ACOT7: variants seen among roughly 807,000 people sequenced by gnomAD.
ACOT7 encodes cytosolic acyl coenzyme A thioester hydrolase.
A neutral mutation model predicts 40.2 loss-of-function variants in ACOT7; 12 were observed. The observed-to-expected ratio is 0.30, with a 90% CI of 0.19 to 0.48. ACOT7 has a LOEUF of 0.48. Ranked by LOEUF, ACOT7 falls within the 20% of genes least tolerant of loss-of-function variation. ACOT7 has a pLI of 0.99. For missense variants in ACOT7, 395 were observed against 530.8 expected (o/e 0.74, Z 2.51); for synonymous variants, 228 against 219.5 (o/e 1.04, Z -0.34).
chr1:6,326,130 G>C (rs187778314), intron 5 of ACOT7, among the ~76,000 whole-genome samples: 5 of 152,328 alleles, frequency 3.3e-5, no homozygotes, highest in Admixed American at 2.6e-4. Context: ...CACAGAGCAC[G>C]AATGTGCCAC....
chr1:6,291,807 C>G (rs1482265048), intron 7 of ACOT7, among the ~76,000 whole-genome samples: 1 of 152,184 alleles, frequency 6.6e-6, no homozygotes, highest in African/African-American at 2.4e-5. Context: ...GAGGCCAGCC[C>G]CCCGCGGTTT....
intron 6 of ACOT7, among the ~76,000 whole-genome samples, chr1:6,302,566 C>A (rs7540503): frequency 6.6e-6 from 1 of 152,066 alleles, no homozygotes; most frequent in African/African-American, 2.4e-5. Flanking sequence ...TTTTTAGTGT[C>A]GATCCAGTGG....
chr1:6,360,728 A>G, intron 1 of ACOT7: 1 of 1,606,890 alleles, frequency 6.2e-7, no homozygotes, highest in East Asian at 2.2e-5. Context: ...CCTGGGCCCC[A>G]ATACTGTGCC....
rs1343245877 is a variant in ACOT7 at position 6,306,024 on chromosome 1, C to CA, written c.713-11045dup. ...CAACACAGCGAAACCCCGTCTCCAC[C>CA]AAAAAAATACGAAAACCAGTCAGGC... On this transcript the variant is annotated intron_variant, in intron 6 of 8. Transcript: ENST00000361521. The surrounding 1 kb of genome is among the most constrained non-coding windows in gnomAD (Gnocchi z 4.3). Among the ~76,000 whole-genome samples the CA allele has an allele frequency of 1.2e-4, 18 of 151,924 alleles. No individual in the cohort carries two copies. Among genetic ancestry groups the CA allele is most frequent in the East Asian group, 7.7e-4 (4 of 5,174 alleles).
intron 4 of ACOT7, among the ~76,000 whole-genome samples, chr1:6,331,097 C>T (rs1291876130): frequency 3.9e-5 from 6 of 152,156 alleles, no homozygotes; most frequent in Admixed American, 1.3e-4. Context: ...GTTAGCACTG[C>T]TGAAAATGAC....
At chr1:6,381,957 AC>A (rs574825360) in intron 1 of ACOT7, among the ~76,000 whole-genome samples, 1,586 of 148,076 alleles carry the variant, frequency 0.011, 36 homozygotes, top group African/African-American at 0.036. Flanking sequence ...ACACGGTGAA[AC>A]CCCATCTCTA....
At chr1:6,356,972 C>T (rs1270622670) in intron 1 of ACOT7, among the ~76,000 whole-genome samples, 1 of 150,702 alleles carries the variant, frequency 6.6e-6, no homozygotes, top group Non-Finnish European at 1.5e-5. Flanking sequence ...GACGCAGTGG[C>T]TCACGCCTGT....
chr1:6,302,882 T>C (rs1184736913), intron 6 of ACOT7, among the ~76,000 whole-genome samples: 1 of 152,020 alleles, frequency 6.6e-6, no homozygotes, highest in East Asian at 1.9e-4. Flanking sequence ...AATGCCTGTG[T>C]CTATGACAGC....
rs375257994 is a variant in ACOT7 at position 6,381,514 on chromosome 1, C to A, written c.143+11743G>T. Among the ~76,000 whole-genome samples, 27 of 149,190 alleles carry A rather than the reference C, an allele frequency of 1.8e-4. No homozygotes were observed. In the East Asian group the frequency reaches 4.3e-3, roughly 24 times the overall value. ...TCACACCCATTAGGATGGCAACTATCAAAAAAAAACAGAAAATAACAAGTA... is the reference window on the plus strand; with the variant it reads ...TCACACCCATTAGGATGGCAACTATAAAAAAAAAACAGAAAATAACAAGTA... On this transcript the variant is annotated intron_variant, in intron 1 of 8. Coordinates refer to ENST00000361521, the MANE Select transcript of ACOT7 (RefSeq NM_007274.4).
At chr1:6,349,703 C>T (rs1295638499) in intron 2 of ACOT7, 46 bp downstream of exon 2, 5 of 1,567,704 alleles carry the variant, frequency 3.2e-6, no homozygotes, top group Admixed American at 3.6e-5. Flanking sequence ...TGAACTCACA[C>T]TGGTGCGGCC....
chr1:6,325,026 C>T (rs1346262532), intron 5 of ACOT7, among the ~76,000 whole-genome samples: 1 of 152,238 alleles, frequency 6.6e-6, no homozygotes, highest in Non-Finnish European at 1.5e-5. Context: ...GGCCTGGGCA[C>T]TGCCTGCCCC....
rs960152999 is a variant in ACOT7 at position 6,274,060 on chromosome 1, C to T, written c.1014+7042G>A. Among the ~76,000 whole-genome samples the T allele has an allele frequency of 1.3e-5, 2 of 152,186 alleles. No homozygotes were observed. The highest frequency in any genetic ancestry group is 2.1e-4 in the South Asian group (1 of 4,828). ...GCTCCTGAGGCTTCTTCGAGAGGAA[C>T]GGGGCCCATGCGAGGACCCCAGGCC... On this transcript the variant is annotated intron_variant, in intron 8 of 8. Transcript: ENST00000361521. This position sits in a 1 kb window ranked among gnomAD's most constrained non-coding sequence, Gnocchi z 5.9.
chr1:6,331,375 A>C (rs1396394002), intron 4 of ACOT7, among the ~76,000 whole-genome samples: 3 of 152,374 alleles, frequency 2.0e-5, no homozygotes, highest in African/African-American at 7.2e-5. Flanking sequence ...TGGAGGCAGA[A>C]GCTTCAGTGA....
intron 4 of ACOT7, among the ~76,000 whole-genome samples, chr1:6,331,756 A>AG (rs1166147952): frequency 1.2e-4 from 19 of 152,164 alleles, no homozygotes; most frequent in Non-Finnish European, 1.5e-5. Context: ...TTAAAAAAAA[A>AG]CAAAACCTAG....
At chr1:6,324,003 C>T (rs919561983) in intron 5 of ACOT7, among the ~76,000 whole-genome samples, 3 of 152,028 alleles carry the variant, frequency 2.0e-5, no homozygotes, top group South Asian at 2.1e-4. Context: ...TGGGATAGCA[C>T]GTGTCACACC....
intron 2 of ACOT7, among the ~76,000 whole-genome samples, chr1:6,347,361 C>T (rs1172087690): frequency 2.0e-5 from 3 of 152,192 alleles, no homozygotes; most frequent in African/African-American, 4.8e-5. Context: ...AGCACAGGTT[C>T]GAGGTATAGT....
rs1251633402 is a variant in ACOT7 at position 6,306,048 on chromosome 1, G to T, written c.713-11068C>A. 6.6e-6 allele frequency among the ~76,000 whole-genome samples: 1 copy of T among 152,046 alleles called. No individual in the cohort carries two copies. The highest frequency in any genetic ancestry group is 1.5e-5 in the Non-Finnish European group (1 of 67,974). ...CCAAAAAAATACGAAAACCAGTCAG[G>T]CGTGGCGGCGCGCGCCTGCAATCGC... On this transcript the variant is annotated intron_variant, in intron 6 of 8. Transcript: ENST00000361521. This position sits in a 1 kb window ranked among gnomAD's most constrained non-coding sequence, Gnocchi z 4.3.
chr1:6,322,716 C>T (rs1267941992), intron 5 of ACOT7, among the ~76,000 whole-genome samples: 2 of 152,234 alleles, frequency 1.3e-5, no homozygotes, highest in Non-Finnish European at 2.9e-5. Context: ...TTAATTACCT[C>T]TTTAAAGACT....
chr1:6,324,618 G>A (rs1222230878), intron 5 of ACOT7, among the ~76,000 whole-genome samples: 3 of 152,046 alleles, frequency 2.0e-5, no homozygotes, highest in African/African-American at 7.2e-5. Context: ...CACACCCCCC[G>A]GGGTCTGGCA....
Sources: gnomAD v4.1 joint callset for allele counts (sites outside exome capture counted in the v4.1 genomes callset) on GRCh38, gnomAD v4.1.1 for gene constraint, Gnocchi (gnomAD v3.1) non-coding constraint, MANE v1.5 for transcripts, NCBI Gene and HGNC (gene_info 2026-07-23, HGNC 2026-07-21) for gene names.